The following TDRP variants were observed in gnomAD, a reference collection of about 807,000 sequenced individuals.
TDRP encodes the protein testis development-related protein.
Under a neutral mutation model 10.5 loss-of-function variants are expected in TDRP, and 12 were observed. The observed-to-expected ratio is 1.15, with a 90% CI of 0.73 to 1.86. The LOEUF is 1.86. TDRP is among the 40% of genes most tolerant of loss of function. The pLI is 0.00. For synonymous variants in TDRP, 139 were observed against 95.4 expected, an observed-to-expected ratio of 1.46 and a Z score of -2.67; for missense variants, 353 against 229.2, an observed-to-expected ratio of 1.54 and a Z score of -3.49.
intron 1 of TDRP, among the ~76,000 whole-genome samples, chr8:539,743 C>T (rs1802444062): frequency 6.6e-6 from 1 of 152,160 alleles, no homozygotes; most frequent in Non-Finnish European, 1.5e-5. Context: ...GATTTCAGAG[C>T]GATCGTCAAT....
intron 1 of TDRP, among the ~76,000 whole-genome samples, chr8:518,809 G>C (rs1401879118): frequency 6.6e-6 from 1 of 151,770 alleles, no homozygotes; most frequent in Non-Finnish European, 1.5e-5. Flanking sequence ...TTAATAGAAA[G>C]TCTAATTTGA....
rs1372886736 is a variant in TDRP, at chr8:491,567, G to T, written c.*832C>A. 2 of 1,475,842 alleles carry T rather than the reference G, an allele frequency of 1.4e-6. No homozygotes were observed. The highest frequency in any genetic ancestry group is 5.0e-5 in the Admixed American group (2 of 39,986). The allele number at this position is 1,475,842 out of a possible 1,614,324, so 91.4% of individuals were successfully genotyped here. On this transcript the variant is annotated 3_prime_UTR_variant, in exon 3 of 3. Coordinates refer to ENST00000324079, the MANE Select transcript of TDRP (RefSeq NM_001384899.1). Reference sequence around the variant, plus strand: ...AACATATGAGCCTAATAAAAAAGAGGCACTTCAGTATTTTATGCACAGTCT... The same window carrying T: ...AACATATGAGCCTAATAAAAAAGAGTCACTTCAGTATTTTATGCACAGTCT...
chr8:538,133 T>C (rs553413364), intron 1 of TDRP, among the ~76,000 whole-genome samples: 1 of 152,220 alleles, frequency 6.6e-6, no homozygotes, highest in East Asian at 1.9e-4. Context: ...TTGGTTCAGC[T>C]CCCAACAGGC....
intron 1 of TDRP, among the ~76,000 whole-genome samples, chr8:505,859 C>G (rs531482073): frequency 6.6e-6 from 1 of 152,250 alleles, no homozygotes; most frequent in African/African-American, 2.4e-5. Flanking sequence ...AAAGTCAGCA[C>G]GTAGGCAGAC....
At chr8:540,360 C>A (rs996618160) in intron 1 of TDRP, among the ~76,000 whole-genome samples, 5 of 152,164 alleles carry the variant, frequency 3.3e-5, no homozygotes, top group African/African-American at 1.2e-4. Flanking sequence ...AAAATGTTAA[C>A]AGTGAGACAG....
chr8:531,898 G>C (rs750903344), intron 1 of TDRP, among the ~76,000 whole-genome samples: 4 of 152,176 alleles, frequency 2.6e-5, no homozygotes, highest in Non-Finnish European at 5.9e-5. Flanking sequence ...TTAAGAAATT[G>C]GAACAGGAAT....
intron 1 of TDRP, among the ~76,000 whole-genome samples, chr8:499,342 A>G (rs1801222620): frequency 6.6e-6 from 1 of 152,148 alleles, no homozygotes; most frequent in Non-Finnish European, 1.5e-5. Context: ...ACAATTTTCC[A>G]GGAATTCCAC....
At chr8:542,574 C>T (rs549180496) in intron 1 of TDRP, among the ~76,000 whole-genome samples, 1 of 152,190 alleles carries the variant, frequency 6.6e-6, no homozygotes, top group African/African-American at 2.4e-5. Context: ...TTTAGATGTA[C>T]AGATAACAGG....
At chr8:534,350 G>C (rs899772099) in intron 1 of TDRP, among the ~76,000 whole-genome samples, 1 of 152,198 alleles carries the variant, frequency 6.6e-6, no homozygotes, top group African/African-American at 2.4e-5. Context: ...GGGTTCCCGC[G>C]AGCCTCTGAA....
At chr8:519,700 A>C (rs1294670468) in intron 1 of TDRP, among the ~76,000 whole-genome samples, 1 of 152,152 alleles carries the variant, frequency 6.6e-6, no homozygotes, top group Non-Finnish European at 1.5e-5. Flanking sequence ...GGTGTGACTA[A>C]AAGAGAGTGA....
chr8:501,148 G>C (rs1446144060), intron 1 of TDRP, among the ~76,000 whole-genome samples: 1 of 151,778 alleles, frequency 6.6e-6, no homozygotes, highest in African/African-American at 2.4e-5. Context: ...GGAGCTTGCA[G>C]TGAGCTGAGA....
intron 1 of TDRP, among the ~76,000 whole-genome samples, chr8:528,266 T>A (rs1802089571): frequency 6.6e-6 from 1 of 152,182 alleles, no homozygotes; most frequent in African/African-American, 2.4e-5. Context: ...TACCAAATGC[T>A]GGTGAGGATG....
intron 1 of TDRP, among the ~76,000 whole-genome samples, chr8:508,304 G>A (rs1453970599): frequency 6.6e-6 from 1 of 152,172 alleles, no homozygotes; most frequent in African/African-American, 2.4e-5. Context: ...AAGACAGACT[G>A]CTACAGATAA....
At chr8:530,446 G>A (rs909610797) in intron 1 of TDRP, among the ~76,000 whole-genome samples, 1 of 151,932 alleles carries the variant, frequency 6.6e-6, no homozygotes, top group African/African-American at 2.4e-5. Flanking sequence ...GGGATTTGGG[G>A]TATCTGAAAA....
At chr8:525,100 T>A (rs1802002687) in intron 1 of TDRP, among the ~76,000 whole-genome samples, 1 of 152,058 alleles carries the variant, frequency 6.6e-6, no homozygotes, top group African/African-American at 2.4e-5. Context: ...ACAATGGAGC[T>A]CCGATAGGTC....
chr8:495,249 G>GCAA (rs1801093297), intron 1 of TDRP, among the ~76,000 whole-genome samples: 1 of 152,022 alleles, frequency 6.6e-6, no homozygotes, highest in African/African-American at 2.4e-5. Context: ...ACAAACAACA[G>GCAA]CAACAACAAC....
intron 1 of TDRP, among the ~76,000 whole-genome samples, chr8:519,690 G>C (rs1376819940): frequency 6.6e-6 from 1 of 152,040 alleles, no homozygotes; most frequent in African/African-American, 2.4e-5. Context: ...ATAATAATGA[G>C]GTGTGACTAA....
rs555220408 is a variant in TDRP at position 534,971 on chromosome 8, G to A, written c.108+9679C>T. 2.6e-4 allele frequency among the ~76,000 whole-genome samples: 39 copies of A among 152,172 alleles called. 1 individual carries two copies. In the South Asian group the frequency reaches 5.0e-3, roughly 19 times the overall value. ...ACGCTCTGACTAAAAACGACACAAC[G>A]CATTCTGAGTAAAAAGCATTCCATT... On this transcript the variant is annotated intron_variant, in intron 1 of 2. Transcript: ENST00000324079.
chr8:525,103 G>A (rs1051137297), intron 1 of TDRP, among the ~76,000 whole-genome samples: 1 of 152,176 alleles, frequency 6.6e-6, no homozygotes, highest in African/African-American at 2.4e-5. Flanking sequence ...ATGGAGCTCC[G>A]ATAGGTCTGG....
Sources: gnomAD v4.1 joint callset for allele counts (sites outside exome capture counted in the v4.1 genomes callset) on GRCh38, gnomAD v4.1.1 for gene constraint, MANE v1.5 for transcripts, NCBI Gene and HGNC (gene_info 2026-07-23, HGNC 2026-07-21) for gene names.